The following FSTL4 variants were observed in gnomAD, a reference collection of about 807,000 sequenced individuals.
FSTL4 encodes follistatin like 4, also known as follistatin-related protein 4.
FSTL4 carries 28 observed loss-of-function variants against 78.2 expected under a neutral mutation model. The ratio of observed to expected loss-of-function variants is 0.36; its 90% CI spans 0.27 to 0.49. FSTL4 has a LOEUF of 0.49. Among genes scored for constraint, FSTL4 ranks in the 20% least tolerant of loss-of-function variants. The pLI is 0.98. For synonymous variants in FSTL4, 422 were observed against 440.5 expected, an observed-to-expected ratio of 0.96 and a Z score of 0.53; for missense variants, 922 against 1,084.9, an observed-to-expected ratio of 0.85 and a Z score of 2.11.
chr5:133,839,963 C>G, the FSTL4 span, among the ~76,000 whole-genome samples: 1 of 152,218 alleles, frequency 6.6e-6, no homozygotes, highest in Admixed American at 6.5e-5. Flanking sequence ...CCTTAGCTGA[C>G]AGCCTCGATC....
At chr5:133,546,973 G>C (rs1759588076) in intron 3 of FSTL4, among the ~76,000 whole-genome samples, 1 of 152,150 alleles carries the variant, frequency 6.6e-6, no homozygotes, top group Admixed American at 6.5e-5. Flanking sequence ...GAACACCCTG[G>C]GGGCCCAGGA....
intron 3 of FSTL4, among the ~76,000 whole-genome samples, chr5:133,481,200 G>A (rs1032753616): frequency 6.6e-6 from 1 of 152,258 alleles, no homozygotes; most frequent in East Asian, 1.9e-4. Context: ...CTTGGTTGGC[G>A]TTAATCTGGA....
rs564515744 is a variant in FSTL4, at chr5:133,300,894, G to A, written c.727+11760C>T. On this transcript the variant is annotated intron_variant, in intron 6 of 15. Transcript: ENST00000265342. ...GTTCTGAATAACAGCTCTGCTGCTC[G>A]GGCCCCGCTTTCTCTGTGGAGCCGG... Among the ~76,000 whole-genome samples the A allele has an allele frequency of 2.3e-4, 35 of 152,158 alleles. No homozygotes were observed. In the South Asian group the frequency reaches 6.7e-3, roughly 29 times the overall value.
At chr5:133,560,279 G>A (rs116602856) in intron 3 of FSTL4, among the ~76,000 whole-genome samples, 2,562 of 152,328 alleles carry the variant, frequency 0.017, 76 homozygotes, top group African/African-American at 0.058. Flanking sequence ...TCCCTGGAGA[G>A]AGCTGAGCTC....
chr5:133,401,106 G>A, intron 3 of FSTL4, 120 bp from the exon 4 acceptor site: 1 of 1,202,816 alleles, frequency 8.3e-7, no homozygotes, highest in East Asian at 2.4e-5. Context: ...GCTACTCAAG[G>A]TGGGGCCTGG....
intron 4 of FSTL4, among the ~76,000 whole-genome samples, chr5:133,337,572 T>C (rs1754492500): frequency 6.6e-6 from 1 of 152,244 alleles, no homozygotes; most frequent in African/African-American, 2.4e-5. Flanking sequence ...GAAAATAGTG[T>C]GGGACTAAAA....
chr5:133,504,900 G>A (rs972416277), intron 3 of FSTL4, among the ~76,000 whole-genome samples: 5 of 152,172 alleles, frequency 3.3e-5, no homozygotes, highest in Non-Finnish European at 5.9e-5. Context: ...TTTAATGCCT[G>A]CTCTCCCCCT....
the FSTL4 span, among the ~76,000 whole-genome samples, chr5:133,669,743 G>A: frequency 1.3e-5 from 2 of 152,158 alleles, no homozygotes; most frequent in South Asian, 2.1e-4. Flanking sequence ...CTGAGGCTGC[G>A]AGTGCCTCTG....
At chr5:133,219,415 C>G (rs948893471) in intron 12 of FSTL4, among the ~76,000 whole-genome samples, 8 of 152,168 alleles carry the variant, frequency 5.3e-5, no homozygotes, top group Non-Finnish European at 1.0e-4. Context: ...TTTTCTAAAG[C>G]TACTTAGTCT....
chr5:133,617,066 C>T (rs183234475), upstream of FSTL4, among the ~76,000 whole-genome samples: 33 of 152,146 alleles, frequency 2.2e-4, no homozygotes, highest in African/African-American at 6.7e-4. Context: ...TTTGGGAGGC[C>T]GAGGCAGGCG....
chr5:133,677,320 T>C, the FSTL4 span, among the ~76,000 whole-genome samples: 4 of 152,184 alleles, frequency 2.6e-5, no homozygotes, highest in Non-Finnish European at 5.9e-5. Context: ...CTGGATTCCA[T>C]GGGATCTGGG....
chr5:133,403,002 C>T (rs569665150), intron 3 of FSTL4, among the ~76,000 whole-genome samples: 24 of 152,320 alleles, frequency 1.6e-4, no homozygotes, highest in African/African-American at 4.1e-4. Flanking sequence ...CCCCCACTCA[C>T]GGTGTTTATG....
intron 4 of FSTL4, among the ~76,000 whole-genome samples, chr5:133,396,729 A>C (rs1756058249): frequency 6.6e-6 from 1 of 152,206 alleles, no homozygotes; most frequent in Admixed American, 6.5e-5. Context: ...TAACAAGAAG[A>C]AGAAGAAAAA....
chr5:133,618,869 C>A, the FSTL4 span, among the ~76,000 whole-genome samples: 1 of 152,296 alleles, frequency 6.6e-6, no homozygotes, highest in South Asian at 2.1e-4. Flanking sequence ...CCTAGAGAAC[C>A]TTCTCTTCTG....
the FSTL4 span, among the ~76,000 whole-genome samples, chr5:133,688,131 G>A: frequency 2.6e-5 from 4 of 152,182 alleles, no homozygotes; most frequent in Non-Finnish European, 4.4e-5. Flanking sequence ...GTTCTAGGCC[G>A]GGCACAGGGG....
intron 3 of FSTL4, among the ~76,000 whole-genome samples, chr5:133,491,804 T>C (rs969498501): frequency 7.2e-5 from 11 of 152,240 alleles, no homozygotes; most frequent in Admixed American, 2.6e-4. Flanking sequence ...AGCACATCCG[T>C]GTATTTTAAA....
chr5:133,383,228 C>T (rs1291272320), intron 4 of FSTL4, among the ~76,000 whole-genome samples: 1 of 152,192 alleles, frequency 6.6e-6, no homozygotes, highest in Non-Finnish European at 1.5e-5. Flanking sequence ...CCCTGGTGGG[C>T]TCAGCAGGTG....
chr5:133,226,396 G>A (rs780028890), intron 8 of FSTL4, among the ~76,000 whole-genome samples: 1 of 152,152 alleles, frequency 6.6e-6, no homozygotes, highest in Non-Finnish European at 1.5e-5. Context: ...TGGCAGTCAG[G>A]TTCAGGGTTG....
Position 133,395,191 on chromosome 5 carries a change from C to T in FSTL4, c.409+5547G>A, listed in dbSNP as rs533093319. Among the ~76,000 whole-genome samples, 127 of 152,070 alleles carry T rather than the reference C, an allele frequency of 8.4e-4. 1 individual carries two copies. The highest frequency in any genetic ancestry group is 5.1e-3 in the South Asian group (24 of 4,742). On this transcript the variant is annotated intron_variant, in intron 4 of 15. Transcript: ENST00000265342. ...TGGCAACCTGGGTCCCCTTCCACCC[C>T]GTGGAAGCTTTGTTCTTTCGCTCTT... is the stretch of plus-strand genomic sequence containing the variant.
Sources: allele counts gnomAD v4.1 joint callset (sites outside exome capture counted in the v4.1 genomes callset), GRCh38; gene constraint gnomAD v4.1.1; transcripts MANE v1.5; gene names NCBI Gene and HGNC (gene_info 2026-07-23, HGNC 2026-07-21).